Variants in JAKMIP1 observed in about 807,000 individuals in gnomAD.
The protein encoded by JAKMIP1 is janus kinase and microtubule-interacting protein 1.
A neutral mutation model predicts 113.0 loss-of-function variants in JAKMIP1; 33 were observed. The ratio of observed to expected loss-of-function variants is 0.29; its 90% CI spans 0.22 to 0.39. The LOEUF (loss-of-function observed/expected upper bound fraction) is 0.39. Ranked by LOEUF, JAKMIP1 falls within the 10% of genes least tolerant of loss-of-function variation. The pLI is 1.00. For missense variants in JAKMIP1, 813 were observed against 1,080.5 expected (o/e 0.75, Z 3.47); for synonymous variants, 480 against 459.9 (o/e 1.04, Z -0.56).
chr4:6,095,743 A>G (rs1227157516), intron 3 of JAKMIP1, among the ~76,000 whole-genome samples: 2 of 152,150 alleles, frequency 1.3e-5, no homozygotes, highest in Non-Finnish European at 1.5e-5. Context: ...TTAGCACACT[A>G]AAGGGCAGGA....
chr4:6,196,573 G>A (rs868606713), intron 1 of JAKMIP1, among the ~76,000 whole-genome samples: 23 of 152,268 alleles, frequency 1.5e-4, no homozygotes, highest in Middle Eastern at 3.4e-3. Flanking sequence ...CCAAGAAGGG[G>A]CCAGGTGCGG....
At position 6,081,012 on chromosome 4, in the gene JAKMIP1, C is replaced by CACACACACACACACA. The variant is rs1720448958; in HGVS notation, c.1101+596_1101+597insTGTGTGTGTGTGTGT. Reference sequence around the variant, plus strand: ...ACACACACACACACACACACACACACACCTGCATCTGCTACAGTGCAGACA... The same window carrying CACACACACACACACA: ...ACACACACACACACACACACACACACACACACACACACACAACCTGCATCTGCTACAGTGCAGACA... On this transcript the variant is annotated intron_variant, in intron 6 of 20. Transcript: ENST00000409021. The surrounding 1 kb of genome is among the most constrained non-coding windows in gnomAD (Gnocchi z 4.6). Among the ~76,000 whole-genome samples, 1 of 152,046 alleles carries CACACACACACACACA rather than the reference C, an allele frequency of 6.6e-6. No homozygotes were observed. Among genetic ancestry groups the CACACACACACACACA allele is most frequent in the Admixed American group, 6.6e-5 (1 of 15,262 alleles).
Position 6,049,493 on chromosome 4 carries a change from A to T in JAKMIP1, c.1962+326T>A, listed in dbSNP as rs151071345. On this transcript the variant is annotated intron_variant, in intron 15 of 20. Coordinates refer to ENST00000409021, the MANE Select transcript of JAKMIP1 (RefSeq NM_001099433.2). This position sits in a 1 kb window ranked among gnomAD's most constrained non-coding sequence, Gnocchi z 7.0. Reference sequence around the variant, plus strand: ...GCTTTTGTGAAACATGGCTACATGCAAGCTCATCTTTCAGGACGGCAAAAA... The same window carrying T: ...GCTTTTGTGAAACATGGCTACATGCTAGCTCATCTTTCAGGACGGCAAAAA... 5.7e-4 allele frequency among the ~76,000 whole-genome samples: 86 copies of T among 152,060 alleles called. No homozygotes were observed. The highest frequency in any genetic ancestry group is 9.1e-4 in the Non-Finnish European group (62 of 68,022).
intron 1 of JAKMIP1, among the ~76,000 whole-genome samples, chr4:6,122,979 G>A (rs192952391): frequency 2.0e-5 from 3 of 152,318 alleles, no homozygotes; most frequent in South Asian, 2.1e-4. Context: ...GGACCAGACC[G>A]TAATAAGGAC....
In JAKMIP1 at chr4:6,135,693, T is replaced by C. The variant is rs550076835; in HGVS notation, c.-147-22696A>G. Reference sequence around the variant, plus strand: ...CGCTGAGAAGTTGCTTCTTGCCCCATGTTACCTATGACAAACCAGAGGCTC... The same window carrying C: ...CGCTGAGAAGTTGCTTCTTGCCCCACGTTACCTATGACAAACCAGAGGCTC... On this transcript the variant is annotated intron_variant, in intron 1 of 20. Coordinates refer to ENST00000409021, the MANE Select transcript of JAKMIP1 (RefSeq NM_001099433.2). This position sits in a 1 kb window ranked among gnomAD's most constrained non-coding sequence, Gnocchi z 4.9. Among the ~76,000 whole-genome samples the C allele has an allele frequency of 6.6e-5, 10 of 152,316 alleles. No homozygotes were observed. The highest frequency in any genetic ancestry group is 2.2e-4 in the African/African-American group (9 of 41,580).
At chr4:6,105,451 C>T (rs376938177) in intron 3 of JAKMIP1, 22 bp downstream of exon 3, 9 of 1,562,166 alleles carry the variant, frequency 5.8e-6, no homozygotes, top group African/African-American at 4.1e-5. Context: ...TGCCCGCGGG[C>T]GGGGGAGGGG....
intron 1 of JAKMIP1, among the ~76,000 whole-genome samples, chr4:6,147,415 T>C (rs1720990139): frequency 6.6e-6 from 1 of 152,152 alleles, no homozygotes; most frequent in Non-Finnish European, 1.5e-5. Flanking sequence ...CATGGGAGAA[T>C]GTCTGGGCAA....
rs1560253052 is a variant in JAKMIP1, at chr4:6,136,789, G to T, written c.-147-23792C>A. ...GCTGACCACAACCCACATCGTGGGG[G>T]TCCTGACTACACAGAAAGCCCTCGA... is the stretch of plus-strand genomic sequence containing the variant. On this transcript the variant is annotated intron_variant, in intron 1 of 20. Transcript: ENST00000409021. This position sits in a 1 kb window ranked among gnomAD's most constrained non-coding sequence, Gnocchi z 5.9. 6.6e-6 allele frequency among the ~76,000 whole-genome samples: 1 copy of T among 152,212 alleles called. No homozygotes were observed. The highest frequency in any genetic ancestry group is 1.5e-5 in the Non-Finnish European group (1 of 68,046).
In JAKMIP1 at chr4:6,153,412, C is replaced by T. The variant is rs1721851009; in HGVS notation, c.-147-40415G>A. 6.6e-6 allele frequency among the ~76,000 whole-genome samples: 1 copy of T among 152,232 alleles called. No homozygotes were observed. Among genetic ancestry groups the T allele is most frequent in the African/African-American group, 2.4e-5 (1 of 41,450 alleles). On this transcript the variant is annotated intron_variant, in intron 1 of 20. Transcript: ENST00000409021. The surrounding 1 kb of genome is among the most constrained non-coding windows in gnomAD (Gnocchi z 4.9). Reference sequence around the variant, plus strand: ...TCTCCACAGCCTTGTGACCCTGGCCCTCTCTAGGCTTCAATTTCATGTTTT... The same window carrying T: ...TCTCCACAGCCTTGTGACCCTGGCCTTCTCTAGGCTTCAATTTCATGTTTT...
At position 6,135,316 on chromosome 4, in the gene JAKMIP1, C is replaced by T. The variant is rs547214304; in HGVS notation, c.-147-22319G>A. On this transcript the variant is annotated intron_variant, in intron 1 of 20. Transcript: ENST00000409021. This position sits in a 1 kb window ranked among gnomAD's most constrained non-coding sequence, Gnocchi z 4.9. ...CAATACGAGGAAAATAGGACACAGA[C>T]ACATAGAAGGAAGACCATGTGAGGA... Among the ~76,000 whole-genome samples the T allele has an allele frequency of 6.6e-6, 1 of 152,222 alleles. No homozygotes were observed. Among genetic ancestry groups the T allele is most frequent in the African/African-American group, 2.4e-5 (1 of 41,532 alleles).
chr4:6,045,983 A>C (rs1204805873), intron 16 of JAKMIP1, among the ~76,000 whole-genome samples: 38 of 152,220 alleles, frequency 2.5e-4, no homozygotes, highest in Non-Finnish European at 2.6e-4. Flanking sequence ...GCAGGGGTTA[A>C]CTGGGGCCTG....
At chr4:6,160,366 C>T (rs1049995680) in intron 1 of JAKMIP1, among the ~76,000 whole-genome samples, 1 of 152,120 alleles carries the variant, frequency 6.6e-6, no homozygotes, top group African/African-American at 2.4e-5. Context: ...AAGACGATCC[C>T]ATTTATAACC....
At chr4:6,063,391 A>C (rs1338635917) in intron 9 of JAKMIP1, among the ~76,000 whole-genome samples, 3 of 152,206 alleles carry the variant, frequency 2.0e-5, no homozygotes, top group Admixed American at 1.3e-4. Context: ...TTTTAAGTTA[A>C]ACATAAAAGG....
In JAKMIP1 at chr4:6,059,321, G is replaced by A. The variant is rs577581462; in HGVS notation, c.1644+1103C>T. 8.0e-4 allele frequency among the ~76,000 whole-genome samples: 122 copies of A among 152,284 alleles called. No homozygotes were observed. The highest frequency in any genetic ancestry group is 3.4e-3 in the Middle Eastern group (1 of 294). On this transcript the variant is annotated intron_variant, in intron 11 of 20. Transcript: ENST00000409021. This position sits in a 1 kb window ranked among gnomAD's most constrained non-coding sequence, Gnocchi z 4.8. The stretch of plus-strand genomic sequence containing the variant: ...CCTCAGTCTCAACCCCGAGCCCTGC[G>A]GCAGCCATTCTGAGCTGCCAGCTTT...
chr4:6,054,685 C>T (rs907778719), intron 12 of JAKMIP1: 4 of 454,978 alleles, frequency 8.8e-6, no homozygotes, highest in African/African-American at 4.0e-5. Flanking sequence ...GAAGTGACAC[C>T]GCCTGCATCC....
chr4:6,092,161 C>T (rs1214429180), intron 3 of JAKMIP1, among the ~76,000 whole-genome samples: 2 of 152,146 alleles, frequency 1.3e-5, no homozygotes, highest in African/African-American at 2.4e-5. Context: ...CTGGGTGTCC[C>T]GCCCCCTCCC....
In JAKMIP1 at chr4:6,140,067, G is replaced by C. The variant is rs113186399; in HGVS notation, c.-147-27070C>G. On this transcript the variant is annotated intron_variant, in intron 1 of 20. Transcript: ENST00000409021. This position sits in a 1 kb window ranked among gnomAD's most constrained non-coding sequence, Gnocchi z 9.4. ...GTATTCCATGGTACAGCGGCCCTAGGAAACGAATATATTTATTAGATGGAT... is the reference window on the plus strand; with the variant it reads ...GTATTCCATGGTACAGCGGCCCTAGCAAACGAATATATTTATTAGATGGAT... Among the ~76,000 whole-genome samples, 129 of 152,192 alleles carry C rather than the reference G, an allele frequency of 8.5e-4. No individual in the cohort carries two copies. The highest frequency in any genetic ancestry group is 3.0e-3 in the African/African-American group (126 of 41,508).
chr4:6,100,139 C>G (rs920388165), intron 3 of JAKMIP1, among the ~76,000 whole-genome samples: 1 of 152,126 alleles, frequency 6.6e-6, no homozygotes, highest in Non-Finnish European at 1.5e-5. Flanking sequence ...TCATGAACTT[C>G]GCCGATTTTT....
Position 6,159,154 on chromosome 4 carries a change from A to G in JAKMIP1, c.-148+41099T>C, listed in dbSNP as rs1722600969. On this transcript the variant is annotated intron_variant, in intron 1 of 20. Coordinates refer to ENST00000409021, the MANE Select transcript of JAKMIP1 (RefSeq NM_001099433.2). The stretch of plus-strand genomic sequence containing the variant: ...AAAAAATAACAGCTGACCAATAAAC[A>G]CTGGATTAACTCTGGACAAAAGACT... 2.6e-5 allele frequency among the ~76,000 whole-genome samples: 4 copies of G among 152,184 alleles called. No homozygotes were observed. In the South Asian group the frequency reaches 8.3e-4, roughly 32 times the overall value.
Sources: allele counts gnomAD v4.1 joint callset (sites outside exome capture counted in the v4.1 genomes callset), GRCh38; gene constraint gnomAD v4.1.1; non-coding constraint Gnocchi (gnomAD v3.1); transcripts MANE v1.5; gene names NCBI Gene and HGNC (gene_info 2026-07-23, HGNC 2026-07-21).